The following PLVAP variants were observed in gnomAD, a reference collection of about 807,000 sequenced individuals.
PLVAP encodes the protein plasmalemma vesicle associated protein, also known as plasmalemma vesicle-associated protein.
A neutral mutation model predicts 43.1 loss-of-function variants in PLVAP; 34 were observed. The ratio of observed to expected loss-of-function variants is 0.79; its 90% CI spans 0.60 to 1.05. The LOEUF (loss-of-function observed/expected upper bound fraction) is 1.05, where lower values mean the gene tolerates loss of function less well. Ranked by LOEUF, PLVAP falls within the 50% of genes least tolerant of loss-of-function variation. The probability of loss-of-function intolerance (pLI) is 0.00; values close to 1 mark genes in which losing one functional copy is unlikely to be tolerated. For synonymous variants in PLVAP, 241 were observed against 237.3 expected, an observed-to-expected ratio of 1.02 and a Z score of -0.14; for missense variants, 574 against 593.4, an observed-to-expected ratio of 0.97 and a Z score of 0.34.
At chr19:17,369,649 A>G (rs1338719611) in intron 1 of PLVAP, among the ~76,000 whole-genome samples, 7 of 144,152 alleles carry the variant, frequency 4.9e-5, no homozygotes, top group Non-Finnish European at 9.1e-5. Context: ...AAAAAAAAAA[A>G]GAAAAATTAA....
In PLVAP at chr19:17,355,996, C is replaced by G. The variant is rs549001488; in HGVS notation, c.1323-3628G>C. ...TAAAGGAAAGCTGGCGCACACATCA[C>G]CAACAGAAAATGACTTTAAAATTTT... On this transcript the variant is annotated intron_variant, in intron 5 of 5. Coordinates refer to ENST00000252590, the MANE Select transcript of PLVAP (RefSeq NM_031310.3). Among the ~76,000 whole-genome samples the G allele has an allele frequency of 8.5e-5, 13 of 152,284 alleles. No homozygotes were observed. In the South Asian group the frequency reaches 2.7e-3, roughly 32 times the overall value.
chr19:17,368,370 C>T (rs1245787071), intron 1 of PLVAP, among the ~76,000 whole-genome samples: 1 of 150,954 alleles, frequency 6.6e-6, no homozygotes, highest in South Asian at 2.1e-4. Flanking sequence ...CCGCACTCGG[C>T]CGAACTAATT....
Position 17,353,617 on chromosome 19 carries a change from G to A in PLVAP, c.1323-1249C>T, listed in dbSNP as rs560736425. The stretch of plus-strand genomic sequence containing the variant: ...TCCTCTGTCTGGTGCACCCTTCCTG[G>A]GATCCCCCCATGGCTCCTCCCTCAC... On this transcript the variant is annotated intron_variant, in intron 5 of 5. Coordinates refer to ENST00000252590, the MANE Select transcript of PLVAP (RefSeq NM_031310.3). 7.9e-5 allele frequency among the ~76,000 whole-genome samples: 12 copies of A among 152,028 alleles called. No individual in the cohort carries two copies. In the South Asian group the frequency reaches 2.5e-3, roughly 32 times the overall value.
At chr19:17,368,652 G>A (rs1568376209) in intron 1 of PLVAP, among the ~76,000 whole-genome samples, 1 of 152,122 alleles carries the variant, frequency 6.6e-6, no homozygotes, top group African/African-American at 2.4e-5. Context: ...AGCAGACACA[G>A]GAAGAAGATG....
rs200491210 is a variant in PLVAP at position 17,365,576 on chromosome 19, C to T, written c.889G>A (p.Val297Met). 164 of 1,612,192 alleles carry T rather than the reference C, an allele frequency of 1.0e-4. No homozygotes were observed. Among genetic ancestry groups the T allele is most frequent in the Non-Finnish European group, 1.3e-4 (151 of 1,180,030 alleles). Residue 297 changes from valine to methionine, a missense_variant, in exon 3 of 6, where the codon GTG becomes ATG. By Grantham distance (21) the Val-to-Met change is conservative (BLOSUM62 1). Coordinates refer to ENST00000252590, the MANE Select transcript of PLVAP (RefSeq NM_031310.3). ...ARSLRADIER[V>M]ARENSDLQRQ... ...TGGAGGTCTGAGTTCTCGCGGGCCACGCGTTCGATATCCGCCCGGAGGCTC... is the reference window on the plus strand; with the variant it reads ...TGGAGGTCTGAGTTCTCGCGGGCCATGCGTTCGATATCCGCCCGGAGGCTC...
intron 1 of PLVAP, among the ~76,000 whole-genome samples, chr19:17,373,623 C>A (rs1334995505): frequency 6.6e-6 from 1 of 152,022 alleles, no homozygotes; most frequent in East Asian, 1.9e-4. Context: ...AGGAGAGAGC[C>A]CCACACCTGC....
chr19:17,357,890 C>T (rs535926639), intron 5 of PLVAP, among the ~76,000 whole-genome samples: 3 of 152,248 alleles, frequency 2.0e-5, no homozygotes, highest in South Asian at 4.1e-4. Flanking sequence ...GACGTCATTT[C>T]GGGGTAAACA....
chr19:17,362,555 A>T (rs1432504704), intron 3 of PLVAP: 4 of 152,224 alleles, frequency 2.6e-5, no homozygotes, highest in African/African-American at 9.7e-5. Context: ...AATGCCAGTG[A>T]AATCCAAAAT....
rs1256778971 is a variant in PLVAP at position 17,365,389 on chromosome 19, T to C, written c.1076A>G (p.Asp359Gly). 6.8e-6 allele frequency: 11 copies of C among 1,613,238 alleles called. No individual in the cohort carries two copies. Among genetic ancestry groups the C allele is most frequent in the Non-Finnish European group, 9.3e-6 (11 of 1,179,974 alleles). The stretch of plus-strand genomic sequence containing the variant: ...CTCTTCCAGCTCCTTGGCCAGGTTG[T>C]CTCGTTCCTTCCGCAGCACCGCCTT... ...EEKAVLRKER[D>G]NLAKELEEKK... is the part of the protein sequence containing the mutation. Residue 359 changes from aspartate (D) to glycine (G), a missense_variant, in exon 3 of 6, where the codon GAC becomes GGC. Physicochemically the swap from Asp to Gly is moderately conservative, Grantham distance 94. Coordinates refer to ENST00000252590, the MANE Select transcript of PLVAP (RefSeq NM_031310.3).
chr19:17,368,622 C>G (rs375855071), intron 1 of PLVAP, among the ~76,000 whole-genome samples: 15 of 152,124 alleles, frequency 9.9e-5, no homozygotes, highest in African/African-American at 3.6e-4. Context: ...CACAGAGACA[C>G]GGACAGAAGG....
intron 1 of PLVAP, among the ~76,000 whole-genome samples, chr19:17,372,609 A>G (rs1167294913): frequency 6.7e-6 from 1 of 148,662 alleles, no homozygotes; most frequent in Non-Finnish European, 1.5e-5. Context: ...GGCGCCCACC[A>G]CCACACCTGG....
In PLVAP at chr19:17,365,512, C is replaced by T. The variant is rs1419099438; in HGVS notation, c.953G>A (p.Ser318Asn). Residue 318 changes from serine (S) to asparagine (N), a missense_variant, in exon 3 of 6, where the codon AGT (serine) becomes AAT (asparagine). Coordinates refer to ENST00000252590, the MANE Select transcript of PLVAP (RefSeq NM_031310.3). Reference protein sequence around the residue: ...KLEAQQGLRASQEAKQKVEKE... With the variant: ...KLEAQQGLRANQEAKQKVEKE... Reference sequence around the variant, plus strand: ...CTCCACCTTCTGTTTCGCCTCCTGACTGGCCCGCAGGCCCTGCTGGGCTTC... The same window carrying T: ...CTCCACCTTCTGTTTCGCCTCCTGATTGGCCCGCAGGCCCTGCTGGGCTTC... 2 of 1,612,330 alleles carry T rather than the reference C, an allele frequency of 1.2e-6. No individual in the cohort carries two copies. The highest frequency in any genetic ancestry group is 3.3e-5 in the Admixed American group (2 of 60,024).
At chr19:17,360,914 CTT>C (rs71336607) in intron 3 of PLVAP, 82 bp from the exon 4 acceptor site, 30,196 of 878,646 alleles carry the variant, frequency 0.034, no homozygotes, top group East Asian at 0.047. Context: ...TTTTCTTTTT[CTT>C]TTTTTTTTTT....
chr19:17,366,601 C>G (rs1311395874), intron 1 of PLVAP, among the ~76,000 whole-genome samples: 1 of 151,732 alleles, frequency 6.6e-6, no homozygotes. Context: ...AAAAATATTA[C>G]ATCCACATTT....
At chr19:17,363,032 C>A (rs2074534360) in intron 3 of PLVAP, among the ~76,000 whole-genome samples, 1 of 152,196 alleles carries the variant, frequency 6.6e-6, no homozygotes, top group African/African-American at 2.4e-5. Context: ...CCCACCAGCT[C>A]CCTACGCTCA....
intron 3 of PLVAP, among the ~76,000 whole-genome samples, chr19:17,364,061 T>G (rs1327027484): frequency 6.6e-6 from 1 of 150,752 alleles, no homozygotes; most frequent in Non-Finnish European, 1.5e-5. Context: ...TTTGTATTTT[T>G]TTTGTAGGGA....
At chr19:17,360,274 T>C (rs1338013400) in intron 5 of PLVAP, among the ~76,000 whole-genome samples, 3 of 152,228 alleles carry the variant, frequency 2.0e-5, no homozygotes, top group East Asian at 3.8e-4. Flanking sequence ...AGGTGCCTAA[T>C]AATTGTAGGC....
At chr19:17,357,456 A>G (rs1397094311) in intron 5 of PLVAP, among the ~76,000 whole-genome samples, 1 of 151,976 alleles carries the variant, frequency 6.6e-6, no homozygotes, top group Non-Finnish European at 1.5e-5. Context: ...TGAGGCCAGG[A>G]GTTCAAATCC....
At chr19:17,375,228 G>A (rs1307277131) in intron 1 of PLVAP, among the ~76,000 whole-genome samples, 1 of 152,102 alleles carries the variant, frequency 6.6e-6, no homozygotes, top group Non-Finnish European at 1.5e-5. Context: ...AAAGTGCTGG[G>A]ATTACAGGTG....
Sources: gnomAD v4.1 joint callset for allele counts (sites outside exome capture counted in the v4.1 genomes callset) on GRCh38, gnomAD v4.1.1 for gene constraint, MANE v1.5 for transcripts, NCBI Gene and HGNC (gene_info 2026-07-23, HGNC 2026-07-21) for gene names.